Variants in CLIP4 observed in about 807,000 individuals in gnomAD.
The protein encoded by CLIP4 is CAP-Gly domain-containing linker protein 4.
CLIP4 carries 47 observed loss-of-function variants against 73.1 expected under a neutral mutation model. The ratio of observed to expected loss-of-function variants is 0.64; its 90% CI spans 0.51 to 0.82. The LOEUF (loss-of-function observed/expected upper bound fraction) is 0.82, where lower values mean the gene tolerates loss of function less well. Among genes scored for constraint, CLIP4 ranks in the 40% least tolerant of loss-of-function variants. CLIP4 has a pLI of 0.00. For synonymous variants in CLIP4, 306 were observed against 295.4 expected, an observed-to-expected ratio of 1.04 and a Z score of -0.37; for missense variants, 874 against 852.9, an observed-to-expected ratio of 1.02 and a Z score of -0.31.
At chr2:29,165,247 GTTCT>G (rs1219187952) in intron 13 of CLIP4, among the ~76,000 whole-genome samples, 1 of 131,128 alleles carries the variant, frequency 7.6e-6, no homozygotes, top group Non-Finnish European at 1.6e-5. Flanking sequence ...TAGATGGTTT[GTTCT>G]TTCTTTCTTT....
intron 14 of CLIP4, among the ~76,000 whole-genome samples, chr2:29,170,274 C>T (rs531986523): frequency 2.0e-4 from 30 of 152,246 alleles, no homozygotes; most frequent in African/African-American, 6.3e-4. Context: ...TATATACCAG[C>T]AGTGGAATTG....
intron 14 of CLIP4, among the ~76,000 whole-genome samples, chr2:29,173,139 C>G (rs1240165139): frequency 6.6e-6 from 1 of 152,178 alleles, no homozygotes; most frequent in African/African-American, 2.4e-5. Context: ...TGGGTTGATG[C>G]TTCCAGAGAA....
intron 1 of CLIP4, among the ~76,000 whole-genome samples, chr2:29,107,372 T>TG (rs1668250106): frequency 1.6e-5 from 2 of 124,608 alleles, no homozygotes; most frequent in African/African-American, 6.2e-5. Context: ...TTTTTTTTTT[T>TG]TTTTTTTTTT....
chr2:29,137,126 C>A (rs547590140), intron 6 of CLIP4, among the ~76,000 whole-genome samples: 4 of 151,956 alleles, frequency 2.6e-5, no homozygotes, highest in Admixed American at 2.6e-4. Flanking sequence ...CTGTTGACGC[C>A]GTCACCCAAA....
chr2:29,139,399 G>A (rs756157124), intron 6 of CLIP4, among the ~76,000 whole-genome samples: 7 of 151,942 alleles, frequency 4.6e-5, no homozygotes, highest in African/African-American at 7.3e-5. Flanking sequence ...GTAACTTGAG[G>A]TTTTCTGTGT....
intron 1 of CLIP4, among the ~76,000 whole-genome samples, chr2:29,118,517 ATTT>A (rs34856696): frequency 3.6e-5 from 5 of 138,924 alleles, no homozygotes; most frequent in African/African-American, 5.4e-5. Flanking sequence ...ATTAGTGCCA[ATTT>A]TTTTTTTTTT....
chr2:29,164,926 T>C (rs1667509130), intron 13 of CLIP4, among the ~76,000 whole-genome samples: 1 of 152,228 alleles, frequency 6.6e-6, no homozygotes, highest in African/African-American at 2.4e-5. Flanking sequence ...ATAAAGTATT[T>C]TCACTTAAGT....
intron 1 of CLIP4, among the ~76,000 whole-genome samples, chr2:29,101,324 AAGT>A (rs1328195982): frequency 1.3e-5 from 2 of 151,840 alleles, no homozygotes; most frequent in Non-Finnish European, 2.9e-5. Flanking sequence ...AAAAAAAAAA[AAGT>A]AGGGAAGCCG....
Position 29,104,137 on chromosome 2 carries a change from C to T in CLIP4, c.-16+6190C>T, listed in dbSNP as rs115625612. ...ATTTTTCATGGGTTTTAATTGTGTT[C>T]TCTCAGCTAGACTATGGACTCCCTA... On this transcript the variant is annotated intron_variant, in intron 1 of 14. Coordinates refer to the CLIP4 transcript ENST00000401605. Among the ~76,000 whole-genome samples, 789 of 152,264 alleles carry T rather than the reference C, an allele frequency of 5.2e-3. 6 individuals carry two copies. Among genetic ancestry groups the T allele is most frequent in the African/African-American group, 0.018 (745 of 41,554 alleles).
chr2:29,156,398 T>A lies in CLIP4; in HGVS notation c.1210T>A (p.Ser404Thr). ...KKDSASESTLSLPPGEELKTV... is the reference protein window; with the variant it reads ...KKDSASESTLTLPPGEELKTV... ...AGATAGTGCTTCTGAGTCAACACTT[T>A]CATTGCCTCCTGGTGAAGAACTTAA... The change falls in exon 10 of 16, where the codon TCA becomes ACA. Residue 404 changes from serine to threonine, a missense_variant. By Grantham distance (58) the Ser-to-Thr change is moderately conservative. Transcript: ENST00000320081. The A allele has an allele frequency of 2.5e-6, 4 of 1,589,984 alleles. No homozygotes were observed. The highest frequency in any genetic ancestry group is 3.4e-6 in the Non-Finnish European group (4 of 1,174,276).
chr2:29,147,361 A>C (rs1207610177), intron 8 of CLIP4, among the ~76,000 whole-genome samples: 3 of 152,122 alleles, frequency 2.0e-5, no homozygotes, highest in African/African-American at 7.2e-5. Context: ...TTATGATATT[A>C]AGCTTTATTT....
At chr2:29,119,468 G>C (rs1462236722) in intron 1 of CLIP4, among the ~76,000 whole-genome samples, 1 of 152,126 alleles carries the variant, frequency 6.6e-6, no homozygotes, top group African/African-American at 2.4e-5. Context: ...GACTCAGACA[G>C]ATATCCACTG....
At position 29,121,350 on chromosome 2, in the gene CLIP4, C is replaced by CT. The variant is rs147104266; in HGVS notation, c.-15-15dup. On this transcript the variant is annotated intron_variant, in intron 1 of 15. Transcript: ENST00000320081. ...GTTGCATACAAATAAAGTAGAAACA[C>CT]TTTTTTTTTCTTTCTTATTATAGGT... 6.1e-4 allele frequency: 947 copies of CT among 1,548,566 alleles called. 4 individuals carry two copies. In the South Asian group the frequency reaches 6.9e-3, roughly 11 times the overall value.
chr2:29,145,625 G>A (rs979660309), intron 8 of CLIP4, among the ~76,000 whole-genome samples: 2 of 152,120 alleles, frequency 1.3e-5, no homozygotes, highest in African/African-American at 2.4e-5. Context: ...AAACTTGAAA[G>A]GGAAAAGGAT....
At chr2:29,144,135 T>A (rs551983685) in intron 7 of CLIP4, among the ~76,000 whole-genome samples, 190 bp downstream of exon 7, 247 of 152,324 alleles carry the variant, frequency 1.6e-3, no homozygotes, top group African/African-American at 5.1e-3. Context: ...TATAAACTAC[T>A]TGAACTTAAT....
chr2:29,098,688 C>A (rs896459425), intron 1 of CLIP4, among the ~76,000 whole-genome samples: 1 of 152,158 alleles, frequency 6.6e-6, no homozygotes, highest in Admixed American at 6.5e-5. Flanking sequence ...TATCGGTTCT[C>A]GTGTGGACAT....
intron 1 of CLIP4, among the ~76,000 whole-genome samples, chr2:29,104,254 C>A (rs1014969605): frequency 2.6e-5 from 4 of 151,752 alleles, no homozygotes; most frequent in African/African-American, 4.8e-5. Context: ...CTTCACAGAC[C>A]AAATCTCTTT....
chr2:29,171,037 C>T (rs1487446964), intron 14 of CLIP4, among the ~76,000 whole-genome samples: 1 of 152,088 alleles, frequency 6.6e-6, no homozygotes, highest in African/African-American at 2.4e-5. Flanking sequence ...AGTGTCAATC[C>T]TCTGGTTTTG....
At chr2:29,172,635 TTATTA>T (rs1245860606) in intron 14 of CLIP4, among the ~76,000 whole-genome samples, 2 of 152,088 alleles carry the variant, frequency 1.3e-5, no homozygotes, top group African/African-American at 2.4e-5. Flanking sequence ...CAATTCTTAT[TTATTA>T]TAATTAAAAT....
Sources: gnomAD v4.1 joint callset for allele counts (sites outside exome capture counted in the v4.1 genomes callset) on GRCh38, gnomAD v4.1.1 for gene constraint, MANE v1.5 for transcripts, NCBI Gene and HGNC (gene_info 2026-07-23, HGNC 2026-07-21) for gene names.